The following CDH9 variants were observed in gnomAD, a reference collection of about 807,000 sequenced individuals.
CDH9 encodes cadherin 9, also known as cadherin-9.
In CDH9, 28 loss-of-function variants were observed where a neutral mutation model predicts 70.9. The observed-to-expected ratio is 0.40, with a 90% CI of 0.29 to 0.54. The LOEUF (loss-of-function observed/expected upper bound fraction) is 0.54. Ranked by LOEUF, CDH9 falls within the 20% of genes least tolerant of loss-of-function variation. The probability of loss-of-function intolerance (pLI) is 0.59; values close to 1 mark genes in which losing one functional copy is unlikely to be tolerated. For missense variants in CDH9, 874 were observed against 984.4 expected, an observed-to-expected ratio of 0.89 and a Z score of 1.50; for synonymous variants, 409 against 343.1, an observed-to-expected ratio of 1.19 and a Z score of -2.12.
intron 1 of CDH9, among the ~76,000 whole-genome samples, chr5:27,031,563 T>G (rs1168141304): frequency 6.6e-6 from 1 of 151,934 alleles, no homozygotes; most frequent in East Asian, 1.9e-4. Context: ...GTTTAAAAAT[T>G]TATTCAATGT....
At position 26,970,079 on chromosome 5, in the gene CDH9, T is replaced by A. The variant is rs1341164439; in HGVS notation, c.228+18027A>T. ...TATAGCAAAGTTAACAATATAGTTA[T>A]GAGATTAATGAATCCAATTAAGTTA... On this transcript the variant is annotated intron_variant, in intron 2 of 11. Coordinates refer to ENST00000231021, the MANE Select transcript of CDH9 (RefSeq NM_016279.4). Among the ~76,000 whole-genome samples, 10 of 151,378 alleles carry A rather than the reference T, an allele frequency of 6.6e-5. No individual in the cohort carries two copies. In the East Asian group the frequency reaches 1.7e-3, roughly 26 times the overall value.
intron 1 of CDH9, among the ~76,000 whole-genome samples, chr5:27,036,545 AAAT>A (rs1376195567): frequency 2.6e-5 from 4 of 151,930 alleles, no homozygotes; most frequent in East Asian, 1.9e-4. Flanking sequence ...AATAAAAGAA[AAAT>A]AATATTTTTT....
At chr5:26,881,770 C>T in intron 11 of CDH9, 147 bp from the exon 12 acceptor site, 2 of 702,348 alleles carry the variant, frequency 2.8e-6, no homozygotes, top group South Asian at 4.0e-5. Context: ...TACAGAGTTC[C>T]TCTAGGCAAT....
intron 1 of CDH9, among the ~76,000 whole-genome samples, chr5:27,021,399 G>T (rs1743136437): frequency 6.6e-6 from 1 of 151,718 alleles, no homozygotes; most frequent in South Asian, 2.1e-4. Context: ...TATTACAAAA[G>T]TTGGAAGAAA....
intron 2 of CDH9, among the ~76,000 whole-genome samples, chr5:26,923,089 CAA>C (rs76197543): frequency 8.9e-6 from 1 of 112,672 alleles, no homozygotes; most frequent in African/African-American, 3.3e-5. Flanking sequence ...AAAAAAAACA[CAA>C]AAAAAAAACA....
chr5:26,967,712 T>C (rs550009053), intron 2 of CDH9, among the ~76,000 whole-genome samples: 51 of 152,244 alleles, frequency 3.3e-4, no homozygotes, highest in African/African-American at 1.2e-3. Context: ...TTACACCTTT[T>C]TTTTTCAATG....
chr5:26,952,229 G>T (rs1451851948), intron 2 of CDH9, among the ~76,000 whole-genome samples: 1 of 149,784 alleles, frequency 6.7e-6, no homozygotes, highest in African/African-American at 2.4e-5. Flanking sequence ...CTCCTAAAGT[G>T]CTGGGATCAC....
intron 2 of CDH9, among the ~76,000 whole-genome samples, chr5:26,916,795 A>G (rs1223036760): frequency 1.3e-5 from 2 of 151,974 alleles, no homozygotes; most frequent in African/African-American, 4.8e-5. Flanking sequence ...TATTTTCTAT[A>G]CGACTCTGAG....
intron 2 of CDH9, among the ~76,000 whole-genome samples, chr5:26,959,446 A>C (rs1056773941): frequency 6.6e-6 from 1 of 152,096 alleles, no homozygotes; most frequent in African/African-American, 2.4e-5. Flanking sequence ...AAACAGGTTG[A>C]TGGTACCTCA....
At chr5:26,919,131 C>A (rs1024877728) in intron 2 of CDH9, among the ~76,000 whole-genome samples, 9 of 152,032 alleles carry the variant, frequency 5.9e-5, no homozygotes, top group Admixed American at 5.9e-4. Context: ...ACCACAGTAC[C>A]TGATTTTACC....
At chr5:26,887,776 G>A (rs986580123) in intron 9 of CDH9, among the ~76,000 whole-genome samples, 32 of 152,068 alleles carry the variant, frequency 2.1e-4, no homozygotes, top group African/African-American at 7.0e-4. Flanking sequence ...AAGCAAGTTT[G>A]GACACAGAAA....
chr5:26,937,171 A>G (rs758807858), intron 2 of CDH9, among the ~76,000 whole-genome samples: 1 of 152,150 alleles, frequency 6.6e-6, no homozygotes, highest in Non-Finnish European at 1.5e-5. Context: ...TGTACAAAGA[A>G]CTCTTAAGAA....
chr5:26,970,568 A>G (rs1218079976), intron 2 of CDH9, among the ~76,000 whole-genome samples: 2 of 152,110 alleles, frequency 1.3e-5, no homozygotes, highest in African/African-American at 2.4e-5. Context: ...GTTACATCCT[A>G]TTTAGCTGAC....
intron 3 of CDH9, among the ~76,000 whole-genome samples, chr5:26,913,042 C>T (rs2112002057): frequency 6.6e-6 from 1 of 152,244 alleles, no homozygotes; most frequent in South Asian, 2.1e-4. Flanking sequence ...GAGGCCTCCT[C>T]AGCCATGTGG....
chr5:26,905,021 G>T (rs991944946), intron 5 of CDH9, among the ~76,000 whole-genome samples: 2 of 151,972 alleles, frequency 1.3e-5, no homozygotes, highest in Non-Finnish European at 2.9e-5. Context: ...TATGTTCTCA[G>T]CAAACTTTAT....
intron 9 of CDH9, among the ~76,000 whole-genome samples, chr5:26,887,583 A>G (rs887237389): frequency 3.9e-5 from 6 of 152,030 alleles, no homozygotes; most frequent in African/African-American, 1.2e-4. Flanking sequence ...TGAGTAAAGA[A>G]TATTTATATG....
At chr5:26,893,026 C>A in intron 7 of CDH9, among the ~76,000 whole-genome samples, 1 of 152,190 alleles carries the variant, frequency 6.6e-6, no homozygotes, top group Middle Eastern at 3.2e-3. Context: ...AACCACCACA[C>A]CCTGCCAGTA....
At chr5:27,025,871 GTAT>G (rs1743212550) in intron 1 of CDH9, among the ~76,000 whole-genome samples, 1 of 151,842 alleles carries the variant, frequency 6.6e-6, no homozygotes, top group Non-Finnish European at 1.5e-5. Context: ...ATTGTGTCCT[GTAT>G]TATTATAAAT....
chr5:26,937,361 C>A (rs1182751309), intron 2 of CDH9, among the ~76,000 whole-genome samples: 1 of 152,062 alleles, frequency 6.6e-6, no homozygotes, highest in Non-Finnish European at 1.5e-5. Flanking sequence ...AAAGCACTGA[C>A]AACATTAAAT....
Sources: allele counts gnomAD v4.1 joint callset (sites outside exome capture counted in the v4.1 genomes callset), GRCh38; gene constraint gnomAD v4.1.1; transcripts MANE v1.5; gene names NCBI Gene and HGNC (gene_info 2026-07-23, HGNC 2026-07-21).